Variants in DAB2IP observed in about 807,000 individuals in gnomAD.
DAB2IP encodes DAB2 interacting protein, also known as disabled homolog 2-interacting protein.
In DAB2IP, 28 loss-of-function variants were observed where a neutral mutation model predicts 107.2. The ratio of observed to expected loss-of-function variants is 0.26; its 90% confidence interval spans 0.19 to 0.36. DAB2IP has a LOEUF of 0.36. Among genes scored for constraint, DAB2IP ranks in the 10% least tolerant of loss-of-function variants. The pLI is 1.00. For synonymous variants in DAB2IP, 755 were observed against 706.4 expected (o/e 1.07, Z -1.09); for missense variants, 1,400 against 1,644.7 (o/e 0.85, Z 2.57).
chr9:121,640,228 C>G (rs1832233153), intron 1 of DAB2IP, among the ~76,000 whole-genome samples: 1 of 152,204 alleles, frequency 6.6e-6, no homozygotes, highest in Non-Finnish European at 1.5e-5. Flanking sequence ...AGATCAGCAC[C>G]TGCTGAGGGC....
rs865996225 is a variant in DAB2IP, at chr9:121,606,776, G to T, written c.40+39548G>T. ...AGAATGGCAGCGTTCTTTGTTTTTT[G>T]TTTTTTTTTTTTTCTTGAGATGGAG... On this transcript the variant is annotated intron_variant, in intron 1 of 16. Coordinates refer to the DAB2IP transcript ENST00000259371. Among the ~76,000 whole-genome samples, 79 of 144,480 alleles carry T rather than the reference G, an allele frequency of 5.5e-4. No individual in the cohort carries two copies. In the South Asian group the frequency reaches 7.0e-3, roughly 13 times the overall value. 94.8% of individuals were successfully genotyped at this position (144,480 alleles called of 152,430 possible).
Position 121,651,651 on chromosome 9 carries a change from A to T in DAB2IP, c.-125A>T, listed in dbSNP as rs1444275156. 5 of 1,074,858 alleles carry T rather than the reference A, an allele frequency of 4.7e-6. No individual in the cohort carries two copies. The highest frequency in any genetic ancestry group is 4.1e-4 in the Middle Eastern group (1 of 2,416). The allele number at this position is 1,074,858 out of a possible 1,614,324, so 66.6% of individuals were successfully genotyped here. ...GTTTGAGCGACTTTGTGGGGCAGCC[A>T]GGGCCTCGGCGGCCGCTCGGGCGAG... On this transcript the variant is annotated 5_prime_UTR_variant, in exon 1 of 16. Coordinates refer to ENST00000408936, the Ensembl canonical transcript of DAB2IP. The surrounding 1 kb of genome is among the most constrained non-coding windows in gnomAD (Gnocchi z 5.1).
intron 3 of DAB2IP, among the ~76,000 whole-genome samples, chr9:121,713,556 G>A (rs1830440765): frequency 6.6e-6 from 1 of 152,158 alleles, no homozygotes; most frequent in African/African-American, 2.4e-5. Context: ...CAGAAACTGG[G>A]TATGCACTCA....
chr9:121,781,320 A>T (rs1835624943), intron 14 of DAB2IP, 144 bp from the exon 15 acceptor site: 1 of 724,454 alleles, frequency 1.4e-6, no homozygotes, highest in Admixed American at 2.4e-5. Flanking sequence ...TGCCCCAGGC[A>T]AGTATGGGAG....
intron 1 of DAB2IP, among the ~76,000 whole-genome samples, chr9:121,645,164 C>T (rs1010742837): frequency 2.0e-5 from 3 of 152,304 alleles, no homozygotes; most frequent in Middle Eastern, 3.4e-3. Context: ...GGGCTGTGGG[C>T]GTCACTGGGG....
rs150797293 is a variant in DAB2IP, at chr9:121,773,633, A to G, written c.2967+138A>G. 6.8e-5 allele frequency: 74 copies of G among 1,090,624 alleles called. No homozygotes were observed. The East Asian group carries it at 2.3e-3, about 34-fold the overall frequency. The allele number at this position is 1,090,624 out of a possible 1,614,324, so 67.6% of individuals were successfully genotyped here. A position where few individuals can be genotyped will look rare whatever the true frequency, so the allele number is the denominator to read the frequency against. ...CCATCCCATCCCACCAGCCTGCCAC[A>G]TGCGCCACCACCCCCTCCCCCTGGC... On this transcript the variant is annotated intron_variant, in intron 12 of 15. Transcript: ENST00000408936.
intron 14 of DAB2IP, among the ~76,000 whole-genome samples, chr9:121,777,358 T>TACTTGTAGTTTGGTTCA (rs1835279398): frequency 2.0e-5 from 3 of 152,236 alleles, no homozygotes; most frequent in Non-Finnish European, 4.4e-5. Flanking sequence ...TTGCTCCATT[T>TACTTGTAGTTTGGTTCA]ACTTGTAGTT....
At chr9:121,570,605 A>G (rs1166799710) in intron 1 of DAB2IP, among the ~76,000 whole-genome samples, 3 of 152,074 alleles carry the variant, frequency 2.0e-5, no homozygotes, top group Non-Finnish European at 2.9e-5. Context: ...CTAGAGTGCA[A>G]TGGCATGATC....
chr9:121,632,529 C>T (rs905504358), intron 1 of DAB2IP, among the ~76,000 whole-genome samples: 37 of 152,252 alleles, frequency 2.4e-4, no homozygotes, highest in Admixed American at 1.8e-3. Context: ...GGCCAGGACA[C>T]CCCCTCCCCT....
intron 3 of DAB2IP, among the ~76,000 whole-genome samples, chr9:121,740,666 G>T (rs562171453): frequency 1.1e-3 from 172 of 152,294 alleles, no homozygotes; most frequent in South Asian, 8.1e-3. Flanking sequence ...CGGCTTGAGG[G>T]TGCAGGGTTG....
intron 1 of DAB2IP, among the ~76,000 whole-genome samples, chr9:121,572,789 G>C (rs1318228400): frequency 6.6e-6 from 1 of 152,152 alleles, no homozygotes; most frequent in Non-Finnish European, 1.5e-5. Flanking sequence ...CAGGAGCGGG[G>C]GTTGGGCTCA....
intron 1 of DAB2IP, among the ~76,000 whole-genome samples, chr9:121,609,288 T>C (rs1344811197): frequency 6.6e-6 from 1 of 152,192 alleles, no homozygotes; most frequent in African/African-American, 2.4e-5. Flanking sequence ...CATCTGTCTG[T>C]CTTCCCCATG....
chr9:121,693,473 T>C lies in DAB2IP; in HGVS notation c.229-5852T>C, dbSNP rs548083264. Among the ~76,000 whole-genome samples, 7 of 152,370 alleles carry C rather than the reference T, an allele frequency of 4.6e-5. No individual in the cohort carries two copies. The East Asian group carries it at 1.4e-3, about 29-fold the overall frequency. ...CTTTCCTGTTTATTTAGATGTGCTT[T>C]TGGCATTCGGGCAAAGCCCCAGAAA... is the stretch of plus-strand genomic sequence containing the variant. On this transcript the variant is annotated intron_variant, in intron 2 of 15. Transcript: ENST00000408936.
intron 1 of DAB2IP, among the ~76,000 whole-genome samples, chr9:121,581,314 T>C (rs603757): frequency 0.41 from 61,543 of 151,952 alleles, 13,463 homozygotes; most frequent in Middle Eastern, 0.53. Flanking sequence ...CCCTGTTTAG[T>C]GGCATTAAAG....
exon 2 of DAB2IP, chr9:121,678,744 G>T: frequency 6.3e-7 from 1 of 1,599,772 alleles, no homozygotes; most frequent in Non-Finnish European, 8.5e-7. Flanking sequence ...AAGAGCCCCA[G>T]CATGGAGCCC....
chr9:121,774,317 A>G (rs1378906856), exon 13 of DAB2IP: 3 of 1,613,468 alleles, frequency 1.9e-6, no homozygotes, highest in Non-Finnish European at 2.5e-6. Context: ...GCTCTTGACC[A>G]TGAACGCGCA....
At chr9:121,722,826 A>G (rs1301518839) in intron 3 of DAB2IP, among the ~76,000 whole-genome samples, 1 of 152,170 alleles carries the variant, frequency 6.6e-6, no homozygotes, top group Non-Finnish European at 1.5e-5. Flanking sequence ...AGATAAGTTA[A>G]AAAAATTGCA....
intron 1 of DAB2IP, among the ~76,000 whole-genome samples, chr9:121,655,301 T>C (rs1165560081): frequency 6.6e-6 from 1 of 152,196 alleles, no homozygotes; most frequent in Non-Finnish European, 1.5e-5. Context: ...CCCCACCTAG[T>C]CACACCAAAA....
At chr9:121,595,196 A>G (rs1430562168) in intron 1 of DAB2IP, among the ~76,000 whole-genome samples, 1 of 152,106 alleles carries the variant, frequency 6.6e-6, no homozygotes, top group Non-Finnish European at 1.5e-5. Context: ...AGTTCAGAGT[A>G]GGACTGGGTT....
Sources: allele counts gnomAD v4.1 joint callset (sites outside exome capture counted in the v4.1 genomes callset), GRCh38; gene constraint gnomAD v4.1.1; non-coding constraint Gnocchi (gnomAD v3.1); transcripts MANE v1.5; gene names NCBI Gene and HGNC (gene_info 2026-07-23, HGNC 2026-07-21).